TUBB6: variants seen among roughly 807,000 people sequenced by gnomAD.
The protein encoded by TUBB6 is tubulin beta 6 class V.
A neutral mutation model predicts 32.3 loss-of-function variants in TUBB6; 18 were observed. The observed-to-expected ratio is 0.56, with a 90% CI of 0.39 to 0.83. The LOEUF (loss-of-function observed/expected upper bound fraction) is 0.83. TUBB6 is among the 40% of genes least tolerant of loss of function. The pLI is 0.00. For synonymous variants in TUBB6, 280 were observed against 265.8 expected (o/e 1.05, Z -0.52); for missense variants, 480 against 632.0 (o/e 0.76, Z 2.58).
In TUBB6 at chr18:12,325,059, T is replaced by C; in HGVS notation, c.278-8T>C. 4.5e-6 allele frequency: 7 copies of C among 1,558,080 alleles called. No homozygotes were observed. The highest frequency in any genetic ancestry group is 6.1e-6 in the Non-Finnish European group (7 of 1,149,264). On this transcript the variant is annotated splice_polypyrimidine_tract_variant and splice_region_variant and intron_variant, in intron 3 of 3. Transcript: ENST00000317702. ...TGTTTAAACGGCACGGGACTCTCTT[T>C]GTTGCAGGCCAGACGGGTGCAGGGA... is the stretch of plus-strand genomic sequence containing the variant.
At chr18:12,322,972 A>G (rs1907066901) in intron 3 of TUBB6, among the ~76,000 whole-genome samples, 1 of 152,316 alleles carries the variant, frequency 6.6e-6, no homozygotes, top group East Asian at 1.9e-4. Context: ...AATTAAAATT[A>G]TATCATATGC....
intron 3 of TUBB6, chr18:12,324,675 T>C: frequency 1.4e-6 from 1 of 733,180 alleles, no homozygotes; most frequent in South Asian, 6.9e-5. Flanking sequence ...GGTCTCTAAC[T>C]CCTGACTTCA....
chr18:12,311,601 A>G lies in TUBB6; in HGVS notation c.277+548A>G, dbSNP rs1226149971. Among the ~76,000 whole-genome samples, 4 of 152,200 alleles carry G rather than the reference A, an allele frequency of 2.6e-5. No individual in the cohort carries two copies. In the East Asian group the frequency reaches 5.8e-4, roughly 22 times the overall value. On this transcript the variant is annotated intron_variant, in intron 3 of 3. Coordinates refer to ENST00000317702, the MANE Select transcript of TUBB6 (RefSeq NM_032525.3). ...GACAGAGCGAGACTCCATCTCAAAA[A>G]TAGCAAAAAACAAAAAAACAAAAAC... is the stretch of plus-strand genomic sequence containing the variant.
chr18:12,323,630 AC>A (rs1379707736), intron 3 of TUBB6, among the ~76,000 whole-genome samples: 1 of 151,972 alleles, frequency 6.6e-6, no homozygotes, highest in Non-Finnish European at 1.5e-5. Flanking sequence ...ACATGGTGAA[AC>A]CCCATCTCTA....
chr18:12,320,536 G>A (rs1379101139), intron 3 of TUBB6: 1 of 152,158 alleles, frequency 6.6e-6, no homozygotes, highest in Non-Finnish European at 1.5e-5. Context: ...GTCCTTTCAG[G>A]TATGTTCAGG....
chr18:12,312,203 G>A (rs1181922520), intron 3 of TUBB6, among the ~76,000 whole-genome samples: 1 of 152,204 alleles, frequency 6.6e-6, no homozygotes, highest in Non-Finnish European at 1.5e-5. Flanking sequence ...AGGCTAGGTA[G>A]CTTCTACTAG....
intron 3 of TUBB6, among the ~76,000 whole-genome samples, chr18:12,322,159 G>A (rs1440320360): frequency 2.6e-5 from 4 of 151,640 alleles, no homozygotes; most frequent in Non-Finnish European, 4.4e-5. Context: ...AAAATTAGCC[G>A]GGTGTGGTGG....
intron 2 of TUBB6, among the ~76,000 whole-genome samples, chr18:12,309,138 G>A (rs934562769): frequency 2.0e-5 from 3 of 152,008 alleles, no homozygotes; most frequent in Non-Finnish European, 4.4e-5. Context: ...ATCATTTGGG[G>A]CCAGGAGTTC....
At position 12,325,911 on chromosome 18, in the gene TUBB6, C is replaced by T. The variant is rs1232190981; in HGVS notation, c.1122C>T (p.Ile374=). The change falls in exon 4 of 4, where the codon ATC becomes ATT. Residue 374 remains isoleucine (I), a synonymous_variant. Transcript: ENST00000317702. ...CCTTCATCGGCAACAGCACGGCCAT[C>T]CAGGAGCTGTTCAAGCGCATCTCCG... is the stretch of plus-strand genomic sequence containing the variant. ...ASTFIGNSTA[I]QELFKRISEQ... The T allele has an allele frequency of 6.2e-7, 1 of 1,613,938 alleles. No individual in the cohort carries two copies. Among genetic ancestry groups the T allele is most frequent in the Non-Finnish European group, 8.5e-7 (1 of 1,180,058 alleles).
chr18:12,323,432 G>A (rs1907088606), intron 3 of TUBB6, among the ~76,000 whole-genome samples: 1 of 152,110 alleles, frequency 6.6e-6, no homozygotes, highest in African/African-American at 2.4e-5. Context: ...ATGAAAAATA[G>A]GATTTTAAAT....
chr18:12,313,872 C>G (rs543527642), intron 3 of TUBB6, among the ~76,000 whole-genome samples: 19 of 152,300 alleles, frequency 1.2e-4, no homozygotes, highest in African/African-American at 4.3e-4. Context: ...TGCATGCCCA[C>G]GGGGGGTGTC....
At position 12,308,751 on chromosome 18, in the gene TUBB6, C is replaced by T. The variant is rs768692972; in HGVS notation, c.122C>T (p.Ala41Val). The T allele has an allele frequency of 1.2e-6, 2 of 1,612,886 alleles. No individual in the cohort carries two copies. Among genetic ancestry groups the T allele is most frequent in the Non-Finnish European group, 8.5e-7 (1 of 1,179,124 alleles). Residue 41 changes from alanine (A) to valine (V), a missense_variant, in exon 2 of 4, where the codon GCG becomes GTG. Coordinates refer to ENST00000317702, the MANE Select transcript of TUBB6 (RefSeq NM_032525.3). ...DPAGGYVGDS[A>V]LQLERINVYY... The stretch of plus-strand genomic sequence containing the variant: ...GCCGGAGGCTACGTGGGAGACTCGG[C>T]GCTGCAGCTGGAGAGAATCAACGTC...
At chr18:12,329,012 TCATA>T, downstream of TUBB6, 1 of 618,716 alleles carries the variant, frequency 1.6e-6, no homozygotes. Flanking sequence ...CATAATACAT[TCATA>T]TTTTTAAGTA....
At chr18:12,314,780 A>T (rs1021781198) in intron 3 of TUBB6, among the ~76,000 whole-genome samples, 10 of 152,218 alleles carry the variant, frequency 6.6e-5, no homozygotes, top group African/African-American at 2.4e-4. Flanking sequence ...GCTGAGAATT[A>T]ATTTTAGCTC....
rs1346824022 is a variant in TUBB6, at chr18:12,325,575, C to T, written c.786C>T (p.Arg262=). ...CGGTGAACATGGTGCCCTTCCCGCG[C>T]CTGCACTTCTTCATGCCTGGCTTCG... The part of the protein sequence containing the change: ...KLAVNMVPFP[R]LHFFMPGFAP... The change falls in exon 4 of 4, where the codon CGC becomes CGT. Residue 262 remains arginine (R), a synonymous_variant. Transcript: ENST00000317702. The T allele has an allele frequency of 6.2e-6, 10 of 1,614,108 alleles. No homozygotes were observed. Among genetic ancestry groups the T allele is most frequent in the South Asian group, 2.2e-5 (2 of 91,084 alleles).
chr18:12,319,322 T>G (rs1328704088), intron 3 of TUBB6, among the ~76,000 whole-genome samples: 2 of 151,982 alleles, frequency 1.3e-5, no homozygotes, highest in African/African-American at 2.4e-5. Flanking sequence ...TTTTTGTATT[T>G]TTAGTAGAGA....
In TUBB6 at chr18:12,325,485, C is replaced by G. The variant is rs1221296956; in HGVS notation, c.696C>G (p.Thr232=). 3 of 1,614,094 alleles carry G rather than the reference C, an allele frequency of 1.9e-6. No homozygotes were observed. The highest frequency in any genetic ancestry group is 2.2e-5 in the East Asian group (1 of 44,884). ...ACCTCAACCACCTGGTGTCCGCCAC[C>G]ATGAGTGGGGTCACCACCTCGCTGC... ...YGDLNHLVSA[T]MSGVTTSLRF... is the part of the protein sequence containing the mutation. The change falls in exon 4 of 4, where the codon ACC becomes ACG. Residue 232 remains threonine (T), a synonymous_variant. Transcript: ENST00000317702.
At chr18:12,317,706 G>C (rs147789873) in intron 3 of TUBB6, among the ~76,000 whole-genome samples, 6 of 152,272 alleles carry the variant, frequency 3.9e-5, no homozygotes, top group East Asian at 3.9e-4. Flanking sequence ...CCAGAGGGGG[G>C]ACTCAGAGAA....
Position 12,325,167 on chromosome 18 carries a change from C to G in TUBB6, c.378C>G (p.His126Gln), listed in dbSNP as rs1203601752. ...ACGTGGTGCGGAAGGAGTGCGAGCACTGCGACTGCCTGCAGGGCTTCCAGC... is the reference window on the plus strand; with the variant it reads ...ACGTGGTGCGGAAGGAGTGCGAGCAGTGCGACTGCCTGCAGGGCTTCCAGC... Reference protein sequence around the residue: ...VLDVVRKECEHCDCLQGFQLT... With the variant: ...VLDVVRKECEQCDCLQGFQLT... The change falls in exon 4 of 4, where the codon CAC becomes CAG. Residue 126 changes from histidine to glutamine, a missense_variant. Coordinates refer to ENST00000317702, the MANE Select transcript of TUBB6 (RefSeq NM_032525.3). 6.2e-7 allele frequency: 1 copy of G among 1,613,758 alleles called. No homozygotes were observed. The highest frequency in any genetic ancestry group is 1.7e-5 in the Admixed American group (1 of 59,992).
Sources: gnomAD v4.1 joint callset for allele counts (sites outside exome capture counted in the v4.1 genomes callset) on GRCh38, gnomAD v4.1.1 for gene constraint, MANE v1.5 for transcripts, NCBI Gene and HGNC (gene_info 2026-07-23, HGNC 2026-07-21) for gene names.